The following MDN1 variants were observed in gnomAD, a reference collection of about 807,000 sequenced individuals.
MDN1 encodes midasin.
A neutral mutation model predicts 669.2 loss-of-function variants in MDN1; 266 were observed. That is an observed-to-expected ratio of 0.40 (90% CI 0.36 to 0.44). The LOEUF (loss-of-function observed/expected upper bound fraction) is 0.44. Ranked by LOEUF, MDN1 falls within the 20% of genes least tolerant of loss-of-function variation. The pLI is 1.00. For synonymous variants in MDN1, 2,385 were observed against 2,457.1 expected, an observed-to-expected ratio of 0.97 and a Z score of 0.87; for missense variants, 5,940 against 6,754.0, an observed-to-expected ratio of 0.88 and a Z score of 4.22.
chr6:89,706,109 G>A lies in MDN1; in HGVS notation c.8098C>T (p.Leu2700Phe). ...ATTCCCTGGGAGGACTGTACCCAGA[G>A]CAGGACTAGTGCATCACAAAGTTCA... is the stretch of plus-strand genomic sequence containing the variant. ...FFELCDALVLLWVQSSQGMVS... is the reference protein window; with the variant it reads ...FFELCDALVLFWVQSSQGMVS... The change falls in exon 53 of 102, where the codon CTC (leucine) becomes TTC (phenylalanine). Residue 2700 changes from leucine to phenylalanine, a missense_variant. By Grantham distance (22) the Leu-to-Phe change is conservative. Around this residue, in one of 5 missense-constraint regions of MDN1, gnomAD observed 2,292 missense variants for 2,638.3 expected, o/e 0.87. Coordinates refer to ENST00000369393, the MANE Select transcript of MDN1 (RefSeq NM_014611.3). 1 of 1,613,140 alleles carries A rather than the reference G, an allele frequency of 6.2e-7. No individual in the cohort carries two copies. Among genetic ancestry groups the A allele is most frequent in the Non-Finnish European group, 8.5e-7 (1 of 1,179,346 alleles).
chr6:89,712,672 C>G lies in MDN1; in HGVS notation c.7333G>C (p.Ala2445Pro), dbSNP rs779360057. 1 of 1,613,964 alleles carries G rather than the reference C, an allele frequency of 6.2e-7. No homozygotes were observed. Among genetic ancestry groups the G allele is most frequent in the Non-Finnish European group, 8.5e-7 (1 of 1,179,974 alleles). The change falls in exon 48 of 102, where the codon GCT (alanine) becomes CCT (proline). Residue 2445 changes from alanine (A) to proline (P), a missense_variant. By Grantham distance (27) the Ala-to-Pro change is conservative. Transcript: ENST00000369393. ...WPDSVPSALF[A>P]TEDSHLSTVR... ...GTAGACAGGTGTGAATCTTCAGTAG[C>G]AAAGAGAGCTGAGGGCACAGAATCT... is the stretch of plus-strand genomic sequence containing the variant.
chr6:89,743,554 G>C (rs201496735), intron 30 of MDN1, 22 bp downstream of exon 30: 1 of 1,607,000 alleles, frequency 6.2e-7, no homozygotes, highest in Non-Finnish European at 8.5e-7. Flanking sequence ...AAAATAACAG[G>C]AACACTTGCT....
chr6:89,676,687 T>C (rs1484953078), intron 76 of MDN1, among the ~76,000 whole-genome samples: 1 of 152,218 alleles, frequency 6.6e-6, no homozygotes. Context: ...CAAGCCCACT[T>C]CGTGAATTTT....
At chr6:89,773,539 CAA>C (rs531119611) in intron 13 of MDN1, among the ~76,000 whole-genome samples, 19 of 78,398 alleles carry the variant, frequency 2.4e-4, no homozygotes, top group Admixed American at 4.4e-4. Flanking sequence ...GACTCCATCT[CAA>C]AAAAAAAAAA....
chr6:89,745,306 A>G lies in MDN1; in HGVS notation c.4145T>C (p.Phe1382Ser). Residue 1382 changes from phenylalanine (F) to serine (S), a missense_variant, in exon 29 of 102, where the codon TTT (phenylalanine) becomes TCT (serine). This residue lies in a region of MDN1 where 2,292 missense variants were observed against 2,638.3 expected (regional missense o/e 0.87). Coordinates refer to ENST00000369393, the MANE Select transcript of MDN1 (RefSeq NM_014611.3). ...LAMLVGRALEFGEPVLLVGDT... is the reference protein window; with the variant it reads ...LAMLVGRALESGEPVLLVGDT... ...TCCAACCAGCAGCACAGGTTCACCA[A>G]ATTCCAATGCCCTTCCCACTAGCAT... is the stretch of plus-strand genomic sequence containing the variant. 3 of 1,613,896 alleles carry G rather than the reference A, an allele frequency of 1.9e-6. No individual in the cohort carries two copies. Among genetic ancestry groups the G allele is most frequent in the South Asian group, 1.1e-5 (1 of 91,066 alleles).
intron 20 of MDN1, among the ~76,000 whole-genome samples, chr6:89,755,911 A>G (rs1817221897): frequency 6.6e-6 from 1 of 152,250 alleles, no homozygotes; most frequent in South Asian, 2.1e-4. Flanking sequence ...CTTACATCCC[A>G]CATAGCTAGT....
At chr6:89,675,328 C>T (rs973193195) in intron 78 of MDN1, 136 bp downstream of exon 78, 21 of 698,582 alleles carry the variant, frequency 3.0e-5, no homozygotes, top group Non-Finnish European at 4.5e-5. Context: ...AGAAACCCTA[C>T]CTGCCTCTTT....
At chr6:89,738,227 C>G (rs1438608398) in intron 33 of MDN1, 99 bp downstream of exon 33, 23 of 1,371,120 alleles carry the variant, frequency 1.7e-5, no homozygotes, top group Non-Finnish European at 2.1e-5. Flanking sequence ...TATAACACAC[C>G]ATATACACAC....
intron 89 of MDN1, 39 bp downstream of exon 89, chr6:89,658,571 C>T: frequency 6.4e-7 from 1 of 1,574,532 alleles, no homozygotes; most frequent in East Asian, 2.3e-5. Flanking sequence ...TCCTCTTCCT[C>T]ATTATTTTTA....
chr6:89,738,452 A>T lies in MDN1; in HGVS notation c.4597T>A (p.Ser1533Thr). ...GTAAACCGGTTTCTTAAGGCAGGAGACAGCTATAAGAAACACAAAACTTCA... is the reference window on the plus strand; with the variant it reads ...GTAAACCGGTTTCTTAAGGCAGGAGTCAGCTATAAGAAACACAAAACTTCA... The part of the protein sequence containing the change: ...PGGDFGKKEL[S>T]PALRNRFTEI... Residue 1533 changes from serine to threonine, a missense_variant, in exon 33 of 102, where the codon TCT becomes ACT. By Grantham distance (58) the Ser-to-Thr change is moderately conservative (BLOSUM62 1). Transcript: ENST00000369393. 6.2e-7 allele frequency: 1 copy of T among 1,613,992 alleles called. No homozygotes were observed. The highest frequency in any genetic ancestry group is 8.5e-7 in the Non-Finnish European group (1 of 1,179,952).
chr6:89,728,393 CA>C (rs1357212441), intron 36 of MDN1, among the ~76,000 whole-genome samples: 2 of 151,698 alleles, frequency 1.3e-5, no homozygotes, highest in Non-Finnish European at 2.9e-5. Flanking sequence ...CAATAAATAC[CA>C]AAGTGGATAA....
chr6:89,655,820 G>A lies in MDN1; in HGVS notation c.15434C>T (p.Ala5145Val), dbSNP rs540770587. 6.2e-7 allele frequency: 1 copy of A among 1,613,754 alleles called. No homozygotes were observed. Among genetic ancestry groups the A allele is most frequent in the Non-Finnish European group, 8.5e-7 (1 of 1,179,972 alleles). ...AQQPQAQVED[A>V]DAFEHIKQGS... The stretch of plus-strand genomic sequence containing the variant: ...TTGTTTAATGTGCTCGAATGCATCT[G>A]CATCCTCCACCTGGGCCTGGGGCTG... The change falls in exon 92 of 102, where the codon GCA becomes GTA. Residue 5145 changes from alanine (A) to valine (V), a missense_variant. Ala to Val is a moderately conservative substitution (Grantham distance 64). This residue lies in a region of MDN1 where 2,280 missense variants were observed against 2,576.3 expected (regional missense o/e 0.88). Transcript: ENST00000369393.
At chr6:89,648,905 C>CT (rs1183779142) in intron 97 of MDN1, among the ~76,000 whole-genome samples, 2 of 150,726 alleles carry the variant, frequency 1.3e-5, no homozygotes, top group Admixed American at 1.3e-4. Flanking sequence ...GACTGTACTG[C>CT]TTAAGCCCAG....
chr6:89,663,509 A>T (rs1809956263), intron 85 of MDN1, among the ~76,000 whole-genome samples: 1 of 152,246 alleles, frequency 6.6e-6, no homozygotes, highest in Non-Finnish European at 1.5e-5. Context: ...AGATACAGTT[A>T]TCTCCAATTG....
chr6:89,661,525 C>A lies in MDN1; in HGVS notation c.14619G>T (p.Val4873=). The A allele has an allele frequency of 6.2e-7, 1 of 1,614,186 alleles. No homozygotes were observed. The highest frequency in any genetic ancestry group is 8.5e-7 in the Non-Finnish European group (1 of 1,180,026). The change falls in exon 88 of 102, where the codon GTG becomes GTT. Residue 4873 remains valine, a synonymous_variant. Coordinates refer to ENST00000369393, the MANE Select transcript of MDN1 (RefSeq NM_014611.3). ...GAAGGTCCAAAGCCTCGGGTTCTGG[C>A]ACCTTTTCCTGATTGCCATGGTAAG... is the stretch of plus-strand genomic sequence containing the variant. ...VDPYHGNQEK[V]PEPEALDLPD... is the part of the protein sequence containing the mutation.
rs1382214463 is a variant in MDN1 at position 89,683,898 on chromosome 6, C to T, written c.11836G>A (p.Val3946Ile). 1.9e-6 allele frequency: 3 copies of T among 1,611,016 alleles called. No individual in the cohort carries two copies. The African/African-American group carries it at 4.0e-5, about 21-fold the overall frequency. ...ACATCATTCCACTTGGAAATCTTAA[C>T]AAATTCCTGTAAGATAAATGATGTT... ...SPLEKELKEF[V>I]KISKWNDVSF... is the part of the protein sequence containing the mutation. The change falls in exon 72 of 102, where the codon GTT becomes ATT. Residue 3946 changes from valine to isoleucine, a missense_variant. This residue lies in a region of MDN1 where 2,280 missense variants were observed against 2,576.3 expected (regional missense o/e 0.88). Transcript: ENST00000369393.
In MDN1 at chr6:89,753,628, A is replaced by C; in HGVS notation, c.2965-6T>G. On this transcript the variant is annotated splice_region_variant and splice_polypyrimidine_tract_variant and intron_variant, in intron 21 of 101. Coordinates refer to ENST00000369393, the MANE Select transcript of MDN1 (RefSeq NM_014611.3). ...AAGAAACCCAAACAAAAACCCTAGA[A>C]AGAAAAGACAAATATGCATAATGCT... 6.3e-7 allele frequency: 1 copy of C among 1,594,762 alleles called. No individual in the cohort carries two copies. Among genetic ancestry groups the C allele is most frequent in the Admixed American group, 1.7e-5 (1 of 59,982 alleles).
intron 15 of MDN1, among the ~76,000 whole-genome samples, chr6:89,768,671 A>T (rs1817923643): frequency 3.3e-5 from 5 of 152,112 alleles, no homozygotes. Flanking sequence ...TAGGAGGTAC[A>T]GGCTGCAGCA....
At chr6:89,772,995 G>A (rs1474142599) in intron 13 of MDN1, among the ~76,000 whole-genome samples, 2 of 152,132 alleles carry the variant, frequency 1.3e-5, no homozygotes. Context: ...AGCTCATCTT[G>A]GACAAATTAC....
Sources: allele counts gnomAD v4.1 joint callset (sites outside exome capture counted in the v4.1 genomes callset), GRCh38; gene constraint gnomAD v4.1.1; regional missense constraint gnomAD v4.1.1; transcripts MANE v1.5; gene names NCBI Gene and HGNC (gene_info 2026-07-23, HGNC 2026-07-21).